KLF17: variants seen among roughly 807,000 people sequenced by gnomAD.
The protein encoded by KLF17 is Krueppel-like factor 17.
A neutral mutation model predicts 34.2 loss-of-function variants in KLF17; 31 were observed. That is an observed-to-expected ratio of 0.91 (90% confidence interval 0.68 to 1.22). KLF17 has a LOEUF of 1.22. KLF17 is among the 50% of genes most tolerant of loss of function. KLF17 has a pLI of 0.00. For missense variants in KLF17, 478 were observed against 505.2 expected (o/e 0.95, Z 0.52); for synonymous variants, 179 against 186.7 (o/e 0.96, Z 0.34).
At chr1:44,097,644 A>T in the KLF17 span, among the ~76,000 whole-genome samples, 278 of 152,260 alleles carry the variant, frequency 1.8e-3, no homozygotes, top group African/African-American at 6.3e-3. Context: ...GGTATATTCT[A>T]GTACTATGCT....
the KLF17 span, among the ~76,000 whole-genome samples, chr1:44,111,357 T>C: frequency 6.6e-6 from 1 of 152,168 alleles, no homozygotes; most frequent in Non-Finnish European, 1.5e-5. Flanking sequence ...GATGTTTTTA[T>C]GTCTTTATTA....
intron 1 of KLF17, chr1:44,122,227 C>G (rs909650234): frequency 1.9e-6 from 3 of 1,604,488 alleles, no homozygotes; most frequent in Non-Finnish European, 2.6e-6. Flanking sequence ...CCTCTTCCTG[C>G]AACAGCTTCC....
Position 44,133,347 on chromosome 1 carries a change from C to G in KLF17, c.*110C>G, listed in dbSNP as rs190106902. 2.3e-4 allele frequency: 35 copies of G among 152,282 alleles called. No individual in the cohort carries two copies. Among genetic ancestry groups the G allele is most frequent in the Admixed American group, 1.6e-3 (24 of 15,286 alleles). 9.4% of individuals were successfully genotyped at this position (152,282 alleles called of 1,614,324 possible). ...TTCATTCAGAAAAATGTTTTTTGAGCCTACAATACTGAGCGCAACAAGGCT... is the reference window on the plus strand; with the variant it reads ...TTCATTCAGAAAAATGTTTTTTGAGGCTACAATACTGAGCGCAACAAGGCT... On this transcript the variant is annotated 3_prime_UTR_variant, in exon 4 of 4. Coordinates refer to ENST00000372299, the MANE Select transcript of KLF17 (RefSeq NM_173484.4).
chr1:44,087,763 TATATATACACACAC>T, the KLF17 span, among the ~76,000 whole-genome samples: 31 of 56,096 alleles, frequency 5.5e-4, no homozygotes, highest in African/African-American at 1.4e-3. Flanking sequence ...TATATATATA[TATATATACACACAC>T]ACACACACAC....
the KLF17 span, among the ~76,000 whole-genome samples, chr1:44,102,887 A>G: frequency 6.6e-6 from 1 of 152,030 alleles, no homozygotes. Context: ...TGTCATATAT[A>G]TAATATAATA....
the KLF17 span, among the ~76,000 whole-genome samples, chr1:44,099,869 G>GAAAGAAAGAAAA: frequency 1.9e-5 from 1 of 51,420 alleles, no homozygotes; most frequent in African/African-American, 6.0e-5. Flanking sequence ...AAGAAAGAAA[G>GAAAGAAAGAAAA]AAAGAAAGAA....
In KLF17 at chr1:44,129,835, C is replaced by T. The variant is rs551004452; in HGVS notation, c.564C>T (p.Asp188=). 96 of 1,614,194 alleles carry T rather than the reference C, an allele frequency of 5.9e-5. No individual in the cohort carries two copies. The highest frequency in any genetic ancestry group is 5.3e-4 in the East Asian group (24 of 44,866). ...CTGGCCTCTCGACAGTACCTTCTGA[C>T]GAAACATTGTTGGGCCCGACTGTGC... ...PYPGLSTVPS[D]ETLLGPTVPS... The change falls in exon 2 of 4, where the codon GAC becomes GAT. Residue 188 remains aspartate (D), a synonymous_variant. Transcript: ENST00000372299.
At chr1:44,121,297 T>C (rs2087942790) in intron 1 of KLF17, among the ~76,000 whole-genome samples, 2 of 152,174 alleles carry the variant, frequency 1.3e-5, no homozygotes, top group Admixed American at 6.5e-5. Flanking sequence ...TTTGTAATTT[T>C]AGTAGCGGGA....
At chr1:44,064,965 T>C in the KLF17 span, among the ~76,000 whole-genome samples, 1 of 152,330 alleles carries the variant, frequency 6.6e-6, no homozygotes, top group African/African-American at 2.4e-5. Context: ...TAGGTATCTT[T>C]AGAAGAACTT....
rs781645367 is a variant in KLF17, at chr1:44,129,395, T to A, written c.124T>A (p.Ser42Thr). 6.5e-7 allele frequency: 1 copy of A among 1,527,164 alleles called. No homozygotes were observed. The highest frequency in any genetic ancestry group is 8.8e-7 in the Non-Finnish European group (1 of 1,138,218). 94.6% of individuals were successfully genotyped at this position (1,527,164 alleles called of 1,614,324 possible). A position where few individuals can be genotyped will look rare whatever the true frequency, so the allele number is the denominator to read the frequency against. The change falls in exon 2 of 4, where the codon TCT (serine) becomes ACT (threonine). Residue 42 changes from serine to threonine, a missense_variant. Coordinates refer to ENST00000372299, the MANE Select transcript of KLF17 (RefSeq NM_173484.4). ...SAPILNMSSSSGSSGVHTSWN... is the reference protein window; with the variant it reads ...SAPILNMSSSTGSSGVHTSWN... ...GCCCATCTTGAACATGTCTTCATCT[T>A]CTGGAAGCTCTGGAGTGCACACCTC...
the KLF17 span, among the ~76,000 whole-genome samples, chr1:44,070,095 T>C: frequency 6.6e-6 from 1 of 152,196 alleles, no homozygotes; most frequent in African/African-American, 2.4e-5. Flanking sequence ...CTAAGTCAAT[T>C]AGTTCTTGTC....
At chr1:44,096,725 T>TTA in the KLF17 span, among the ~76,000 whole-genome samples, 4 of 152,102 alleles carry the variant, frequency 2.6e-5, no homozygotes, top group Admixed American at 1.3e-4. Flanking sequence ...AAAATTTTTT[T>TTA]AATTTTTAAA....
At chr1:44,068,711 G>A in the KLF17 span, among the ~76,000 whole-genome samples, 1 of 152,186 alleles carries the variant, frequency 6.6e-6, no homozygotes, top group South Asian at 2.1e-4. Flanking sequence ...CTGCTAGCAT[G>A]ATTCTCCAGG....
the KLF17 span, among the ~76,000 whole-genome samples, chr1:44,092,341 C>T: frequency 2.0e-5 from 3 of 151,912 alleles, no homozygotes; most frequent in African/African-American, 4.8e-5. Flanking sequence ...AACAAAACTT[C>T]GTCTCAAAAA....
chr1:44,126,278 G>T (rs953708503), intron 1 of KLF17, among the ~76,000 whole-genome samples: 1 of 152,074 alleles, frequency 6.6e-6, no homozygotes, highest in African/African-American at 2.4e-5. Flanking sequence ...ACCCGCCTCG[G>T]CCTCCCAAAG....
chr1:44,120,833 A>G (rs1211461380), intron 1 of KLF17, among the ~76,000 whole-genome samples: 2 of 152,126 alleles, frequency 1.3e-5, no homozygotes, highest in Non-Finnish European at 2.9e-5. Context: ...AATAAAACAG[A>G]TAAGGCTGGG....
the KLF17 span, among the ~76,000 whole-genome samples, chr1:44,102,708 G>C: frequency 6.6e-6 from 1 of 152,034 alleles, no homozygotes; most frequent in Non-Finnish European, 1.5e-5. Flanking sequence ...ATAATGATCT[G>C]TCAGTGTAGG....
chr1:44,099,302 A>G, the KLF17 span, among the ~76,000 whole-genome samples: 65,601 of 151,644 alleles, frequency 0.43, 14,186 homozygotes, highest in South Asian at 0.46. Context: ...TACCTGGAAG[A>G]CTAAGGTGGG....
At chr1:44,046,552 C>T in the KLF17 span, among the ~76,000 whole-genome samples, 1 of 151,978 alleles carries the variant, frequency 6.6e-6, no homozygotes, top group African/African-American at 2.4e-5. Context: ...CACACACACA[C>T]ACACACACAC....
Sources: gnomAD v4.1 joint callset for allele counts (sites outside exome capture counted in the v4.1 genomes callset) on GRCh38, gnomAD v4.1.1 for gene constraint, MANE v1.5 for transcripts, NCBI Gene and HGNC (gene_info 2026-07-23, HGNC 2026-07-21) for gene names.